The following TNKS variants were observed in gnomAD, a reference collection of about 807,000 sequenced individuals.
TNKS encodes poly [ADP-ribose] polymerase tankyrase-1.
A neutral mutation model predicts 135.8 loss-of-function variants in TNKS; 72 were observed. The observed-to-expected ratio is 0.53, with a 90% confidence interval of 0.44 to 0.64. The LOEUF is 0.64. Ranked by LOEUF, TNKS falls within the 30% of genes least tolerant of loss-of-function variation. TNKS has a pLI of 0.00. For missense variants in TNKS, 1,769 were observed against 1,674.0 expected (o/e 1.06, Z -0.99); for synonymous variants, 849 against 649.3 (o/e 1.31, Z -4.68).
chr8:9,589,065 C>G (rs79892577), intron 2 of TNKS, among the ~76,000 whole-genome samples: 12,609 of 152,178 alleles, frequency 0.083, 576 homozygotes, highest in South Asian at 0.16. Flanking sequence ...GTGTTTGTGA[C>G]TGAAAACGGG....
At chr8:9,558,400 T>C (rs368602748) in intron 1 of TNKS, 1 of 152,304 alleles carries the variant, frequency 6.6e-6, no homozygotes, top group East Asian at 1.9e-4. Context: ...ATAGCATTTC[T>C]TTTTCCTTAG....
intron 3 of TNKS, among the ~76,000 whole-genome samples, chr8:9,674,557 C>G (rs368608172): frequency 4.6e-5 from 7 of 152,298 alleles, no homozygotes; most frequent in Admixed American, 2.6e-4. Context: ...GGTGAATGGT[C>G]TCTCTGCAAT....
At chr8:9,740,489 A>T (rs1038702057) in intron 17 of TNKS, among the ~76,000 whole-genome samples, 8 of 152,230 alleles carry the variant, frequency 5.3e-5, no homozygotes, top group Non-Finnish European at 1.0e-4. Context: ...TTTTACAAAG[A>T]CCTGTATTTC....
At chr8:9,755,399 A>C (rs1184151454) in intron 20 of TNKS, among the ~76,000 whole-genome samples, 1 of 152,168 alleles carries the variant, frequency 6.6e-6, no homozygotes, top group African/African-American at 2.4e-5. Flanking sequence ...CAATACATAG[A>C]CGATTGCATT....
intron 20 of TNKS, among the ~76,000 whole-genome samples, chr8:9,753,667 TTAG>T (rs1806672102): frequency 6.6e-6 from 1 of 152,176 alleles, no homozygotes. Flanking sequence ...GGAAAGGTGT[TTAG>T]AGAAAAATTA....
intron 3 of TNKS, among the ~76,000 whole-genome samples, chr8:9,661,114 C>G (rs1276204397): frequency 6.6e-6 from 1 of 152,032 alleles, no homozygotes; most frequent in East Asian, 1.9e-4. Flanking sequence ...ACATTCCATG[C>G]TCATGGGTAG....
At chr8:9,672,711 C>A (rs139195782) in intron 3 of TNKS, among the ~76,000 whole-genome samples, 20,075 of 84,206 alleles carry the variant, frequency 0.24, 2,649 homozygotes, top group African/African-American at 0.27. Context: ...CACACACACA[C>A]AAAAAAAAAA....
At chr8:9,616,464 A>G (rs1242967694) in intron 3 of TNKS, among the ~76,000 whole-genome samples, 1 of 152,182 alleles carries the variant, frequency 6.6e-6, no homozygotes, top group Admixed American at 6.5e-5. Flanking sequence ...CTGCAGTGCT[A>G]ACAGTATTGT....
chr8:9,665,328 G>A (rs535226465), intron 3 of TNKS, among the ~76,000 whole-genome samples: 4 of 152,330 alleles, frequency 2.6e-5, no homozygotes, highest in African/African-American at 7.2e-5. Flanking sequence ...CTAATAGCAG[G>A]ACATTGCCTT....
intron 5 of TNKS, among the ~76,000 whole-genome samples, chr8:9,703,317 T>G (rs1803902987): frequency 6.6e-6 from 1 of 152,218 alleles, no homozygotes; most frequent in South Asian, 2.1e-4. Flanking sequence ...ATCAATTGTT[T>G]GTTTCTGGAA....
rs1334672827 is a variant in TNKS, at chr8:9,763,226, T to A, written c.3354T>A (p.Tyr1118Ter). The A allele has an allele frequency of 6.2e-7, 1 of 1,607,682 alleles. No individual in the cohort carries two copies. The highest frequency in any genetic ancestry group is 1.7e-5 in the Admixed American group (1 of 59,900). ...LLDLAPEDKE[Y>*]QSVEEEMQST... is the part of the protein sequence containing the mutation. The stretch of plus-strand genomic sequence containing the variant: ...ATCTTGCTCCAGAAGATAAAGAATA[T>A]CAGTCAGTGGAAGAAGAGGTAATAT... The change falls in exon 22 of 27, where the codon TAT (tyrosine) becomes TAA (stop). Residue 1118 changes from tyrosine to a stop codon, truncating the protein, a stop_gained. Transcript: ENST00000310430. LOFTEE classifies it high-confidence loss of function.
At chr8:9,721,320 A>ATATATATAT (rs1804873589) in intron 12 of TNKS, among the ~76,000 whole-genome samples, 2 of 146,916 alleles carry the variant, frequency 1.4e-5, no homozygotes, top group Admixed American at 6.9e-5. Context: ...ATAAAATTAT[A>ATATATATAT]AAATTTTGCT....
intron 19 of TNKS, among the ~76,000 whole-genome samples, chr8:9,752,180 T>C (rs1806580068): frequency 6.6e-6 from 1 of 152,176 alleles, no homozygotes; most frequent in African/African-American, 2.4e-5. Context: ...ATTTTTTAAT[T>C]CATTAAAAGC....
At chr8:9,637,997 C>T (rs928173664) in intron 3 of TNKS, among the ~76,000 whole-genome samples, 6 of 152,128 alleles carry the variant, frequency 3.9e-5, no homozygotes, top group African/African-American at 1.4e-4. Context: ...GAGATGGGAT[C>T]TCGCTTTGTT....
intron 4 of TNKS, among the ~76,000 whole-genome samples, chr8:9,680,348 T>TG (rs1317070080): frequency 1.4e-5 from 2 of 142,872 alleles, no homozygotes; most frequent in African/African-American, 2.6e-5. Context: ...AATCCTCATC[T>TG]ATTTTTTTTG....
At chr8:9,608,503 C>G (rs939558819) in intron 2 of TNKS, among the ~76,000 whole-genome samples, 28 of 152,154 alleles carry the variant, frequency 1.8e-4, no homozygotes, top group African/African-American at 6.5e-4. Context: ...TGCTCTTTCT[C>G]TAGCACCTTG....
intron 1 of TNKS, among the ~76,000 whole-genome samples, chr8:9,574,768 T>A (rs1797880134): frequency 2.0e-5 from 3 of 152,266 alleles, no homozygotes; most frequent in African/African-American, 7.2e-5. Context: ...TTTTTTTTGG[T>A]AGCTGGACAG....
At chr8:9,627,186 CA>C (rs1800089855) in intron 3 of TNKS, among the ~76,000 whole-genome samples, 1 of 152,204 alleles carries the variant, frequency 6.6e-6, no homozygotes, top group African/African-American at 2.4e-5. Context: ...GCTGGTGCTC[CA>C]GGGATGGCAT....
chr8:9,720,605 C>T (rs1160189503), intron 12 of TNKS, 60 bp downstream of exon 12: 2 of 1,507,054 alleles, frequency 1.3e-6, no homozygotes, highest in African/African-American at 1.4e-5. Flanking sequence ...TGCTGAAATA[C>T]ACAGACAAAC....
Sources: allele counts gnomAD v4.1 joint callset (sites outside exome capture counted in the v4.1 genomes callset), GRCh38; gene constraint gnomAD v4.1.1; transcripts MANE v1.5; gene names NCBI Gene and HGNC (gene_info 2026-07-23, HGNC 2026-07-21).